The following NAA35 variants were observed in gnomAD, a reference collection of about 807,000 sequenced individuals.
NAA35 encodes the protein N-alpha-acetyltransferase 35, NatC auxiliary subunit.
Under a neutral mutation model 101.7 loss-of-function variants are expected in NAA35, and 18 were observed. That is an observed-to-expected ratio of 0.18 (90% CI 0.12 to 0.26). NAA35 has a LOEUF of 0.26. Ranked by LOEUF, NAA35 falls within the 10% of genes least tolerant of loss-of-function variation. The probability of loss-of-function intolerance (pLI) is 1.00; values close to 1 mark genes in which losing one functional copy is unlikely to be tolerated. For synonymous variants in NAA35, 267 were observed against 273.1 expected, an observed-to-expected ratio of 0.98 and a Z score of 0.22; for missense variants, 601 against 886.8, an observed-to-expected ratio of 0.68 and a Z score of 4.09.
intron 11 of NAA35, among the ~76,000 whole-genome samples, chr9:85,984,722 A>G (rs984139781): frequency 2.6e-5 from 4 of 152,218 alleles, no homozygotes; most frequent in African/African-American, 9.6e-5. Context: ...ATGAACACTC[A>G]TGTTCTCGGT....
intron 2 of NAA35, among the ~76,000 whole-genome samples, chr9:85,955,352 ATATATATATTTTTT>A (rs1198392322): frequency 4.9e-5 from 3 of 61,292 alleles, no homozygotes; most frequent in African/African-American, 3.3e-4. Context: ...ATATATATAT[ATATATATATTTTTT>A]TTTTTTTTTT....
At position 85,950,846 on chromosome 9, in the gene NAA35, A is replaced by C. The variant is rs115149160; in HGVS notation, c.125-5514A>C. Among the ~76,000 whole-genome samples, 1,129 of 152,248 alleles carry C rather than the reference A, an allele frequency of 7.4e-3. 10 individuals carry two copies. The highest frequency in any genetic ancestry group is 0.026 in the African/African-American group (1,079 of 41,556). ...ACATTTAAAAAATATCCATTTAAAAATGATGATGGGCCGGGCACGGTGGCT... is the reference window on the plus strand; with the variant it reads ...ACATTTAAAAAATATCCATTTAAAACTGATGATGGGCCGGGCACGGTGGCT... On this transcript the variant is annotated intron_variant, in intron 2 of 22. Transcript: ENST00000361671.
chr9:86,021,923 C>G lies in NAA35; in HGVS notation c.2141C>G (p.Ser714Cys). ...CAGGTTCCTCCTGAATTTGATTTCT[C>G]TGCTCATAAATATTTTCCTGTTGTG... is the stretch of plus-strand genomic sequence containing the variant. ...ESKVPPEFDF[S>C]AHKYFPVVKL... is the part of the protein sequence containing the mutation. Residue 714 changes from serine (S) to cysteine (C), a missense_variant, in exon 23 of 23, where the codon TCT (serine) becomes TGT (cysteine). This residue lies in a region of NAA35 where 21 missense variants were observed against 51.4 expected (regional missense o/e 0.41). Coordinates refer to ENST00000361671, the MANE Select transcript of NAA35 (RefSeq NM_024635.4). 1.9e-6 allele frequency: 3 copies of G among 1,613,384 alleles called. No individual in the cohort carries two copies. Among genetic ancestry groups the G allele is most frequent in the Non-Finnish European group, 2.5e-6 (3 of 1,179,736 alleles).
chr9:86,010,248 C>CATAACA (rs1808109851), intron 15 of NAA35, among the ~76,000 whole-genome samples: 1 of 150,554 alleles, frequency 6.6e-6, no homozygotes, highest in African/African-American at 2.5e-5. Flanking sequence ...TCTCAATAAC[C>CATAACA]ATAATAATAA....
intron 2 of NAA35, among the ~76,000 whole-genome samples, 163 bp downstream of exon 2, chr9:85,942,446 A>G (rs1383742273): frequency 6.6e-6 from 1 of 152,238 alleles, no homozygotes; most frequent in Admixed American, 6.5e-5. Flanking sequence ...TTTAAAGCAA[A>G]TGTATATTTG....
intron 18 of NAA35, 53 bp from the exon 19 acceptor site, chr9:86,017,445 A>G: frequency 2.6e-6 from 4 of 1,537,322 alleles, no homozygotes; most frequent in Non-Finnish European, 3.6e-6. Context: ...GCAGTAATGC[A>G]AGAGGGAGGA....
chr9:85,975,274 T>C (rs1318341311), intron 8 of NAA35, 117 bp downstream of exon 8: 3 of 1,059,712 alleles, frequency 2.8e-6, no homozygotes, highest in Non-Finnish European at 4.1e-6. Flanking sequence ...TGTATTTTTT[T>C]TTTGTAATGA....
At chr9:85,991,808 G>A (rs534787798) in intron 11 of NAA35, among the ~76,000 whole-genome samples, 1 of 152,226 alleles carries the variant, frequency 6.6e-6, no homozygotes, top group African/African-American at 2.4e-5. Context: ...AAATGTGATT[G>A]TTAAGGGTCT....
intron 6 of NAA35, among the ~76,000 whole-genome samples, chr9:85,966,004 T>A (rs572957252): frequency 3.9e-4 from 59 of 152,344 alleles, no homozygotes; most frequent in African/African-American, 1.2e-3. Flanking sequence ...AGCGGCATGA[T>A]CGTAGCTCAC....
chr9:85,953,176 G>A (rs371692922), intron 2 of NAA35, among the ~76,000 whole-genome samples: 3 of 151,232 alleles, frequency 2.0e-5, no homozygotes, highest in African/African-American at 2.4e-5. Context: ...TAGCACCACT[G>A]CTCTCCAGCC....
At chr9:85,997,124 T>C (rs914946575) in intron 12 of NAA35, among the ~76,000 whole-genome samples, 1 of 151,450 alleles carries the variant, frequency 6.6e-6, no homozygotes, top group Non-Finnish European at 1.5e-5. Flanking sequence ...AACAATGTTT[T>C]AGTTTAATCA....
rs1478049544 is a variant in NAA35, at chr9:86,018,271, A to T, written c.1790A>T (p.Asp597Val). ...AGMFKTMVAF[D>V]MDGKVRKPKF... ...TTCATTTAGACCATGGTAGCATTTG[A>T]CATGGACGGCAAAGTACGTAAACCG... Residue 597 changes from aspartate (D) to valine (V), a missense_variant, in exon 20 of 23, where the codon GAC becomes GTC. Coordinates refer to ENST00000361671, the MANE Select transcript of NAA35 (RefSeq NM_024635.4). 6.2e-7 allele frequency: 1 copy of T among 1,612,914 alleles called. No individual in the cohort carries two copies. Among genetic ancestry groups the T allele is most frequent in the Non-Finnish European group, 8.5e-7 (1 of 1,179,328 alleles).
At chr9:86,004,594 C>G (rs977343600) in intron 13 of NAA35, among the ~76,000 whole-genome samples, 1 of 151,868 alleles carries the variant, frequency 6.6e-6, no homozygotes, top group Non-Finnish European at 1.5e-5. Context: ...AAATATAGAA[C>G]AGAAAAACAA....
intron 11 of NAA35, among the ~76,000 whole-genome samples, chr9:85,994,508 T>A (rs1477225210): frequency 6.6e-6 from 1 of 152,252 alleles, no homozygotes; most frequent in African/African-American, 2.4e-5. Flanking sequence ...GCAGCTTTTA[T>A]GTTGTTTTCC....
chr9:85,963,842 T>TATC (rs1438441340), intron 6 of NAA35, among the ~76,000 whole-genome samples: 1 of 152,222 alleles, frequency 6.6e-6, no homozygotes, highest in African/African-American at 2.4e-5. Context: ...AAAGTTACTT[T>TATC]ATCATCATTT....
intron 6 of NAA35, among the ~76,000 whole-genome samples, chr9:85,964,078 CTATG>C (rs1009995474): frequency 2.0e-5 from 3 of 149,640 alleles, no homozygotes; most frequent in African/African-American, 2.5e-5. Context: ...CTCAAATACT[CTATG>C]TGTGTGTCAA....
chr9:85,977,322 C>CT (rs772548823), intron 9 of NAA35, 41 bp from the exon 10 acceptor site: 9 of 1,344,114 alleles, frequency 6.7e-6, no homozygotes, highest in Non-Finnish European at 9.6e-6. Context: ...CTTTCACGGG[C>CT]TTTGCATCTT....
intron 11 of NAA35, among the ~76,000 whole-genome samples, chr9:85,982,021 A>G (rs984274545): frequency 2.6e-5 from 4 of 152,190 alleles, no homozygotes; most frequent in African/African-American, 9.7e-5. Flanking sequence ...TAAGGGAGAA[A>G]GTAGGAATAA....
chr9:85,974,924 G>GT, intron 6 of NAA35, 43 bp from the exon 7 acceptor site: 3 of 1,428,560 alleles, frequency 2.1e-6, no homozygotes, highest in South Asian at 1.2e-5. Flanking sequence ...GCTATTTAAG[G>GT]TTTTTTGCTA....
Sources: allele counts gnomAD v4.1 joint callset (sites outside exome capture counted in the v4.1 genomes callset), GRCh38; gene constraint gnomAD v4.1.1; regional missense constraint gnomAD v4.1.1; transcripts MANE v1.5; gene names NCBI Gene and HGNC (gene_info 2026-07-23, HGNC 2026-07-21).